The following SIK2 variants were observed in gnomAD, a reference collection of about 807,000 sequenced individuals.
The protein encoded by SIK2 is salt inducible kinase 2.
Under a neutral mutation model 103.2 loss-of-function variants are expected in SIK2, and 29 were observed. The observed-to-expected ratio is 0.28, with a 90% CI of 0.21 to 0.38. The LOEUF is 0.38. Among genes scored for constraint, SIK2 ranks in the 10% least tolerant of loss-of-function variants. The probability of loss-of-function intolerance (pLI) is 1.00; values close to 1 mark genes in which losing one functional copy is unlikely to be tolerated. For synonymous variants in SIK2, 412 were observed against 446.1 expected (o/e 0.92, Z 0.96); for missense variants, 879 against 1,171.0 (o/e 0.75, Z 3.64).
At position 111,716,325 on chromosome 11, in the gene SIK2, G is replaced by C. The variant is rs1014671120; in HGVS notation, c.1267-3450G>C. On this transcript the variant is annotated intron_variant, in intron 9 of 14. Transcript: ENST00000304987. ...TGGCCAGGTGCGGTGGCTTACACCT[G>C]TAATCCAGCACTTTGGGAGGCTGGG... is the stretch of plus-strand genomic sequence containing the variant. Among the ~76,000 whole-genome samples, 5 of 152,210 alleles carry C rather than the reference G, an allele frequency of 3.3e-5. No individual in the cohort carries two copies. The East Asian group carries it at 9.7e-4, about 30-fold the overall frequency.
chr11:111,671,348 G>T (rs1056858395), intron 3 of SIK2: 1 of 234,540 alleles, frequency 4.3e-6, no homozygotes. Flanking sequence ...AGCTCCACCA[G>T]CTTGGCATTG....
intron 3 of SIK2, among the ~76,000 whole-genome samples, chr11:111,658,081 T>G (rs1478370116): frequency 6.7e-6 from 1 of 148,234 alleles, no homozygotes; most frequent in African/African-American, 2.5e-5. Context: ...ATTTATTTTT[T>G]CATTTTTATT....
At chr11:111,603,226 C>T (rs900773241) in intron 1 of SIK2, among the ~76,000 whole-genome samples, 1 of 152,154 alleles carries the variant, frequency 6.6e-6, no homozygotes, top group African/African-American at 2.4e-5. Context: ...AGGAAGGGCC[C>T]CATGGCTGGG....
intron 3 of SIK2, among the ~76,000 whole-genome samples, chr11:111,623,317 T>C (rs950752430): frequency 6.6e-6 from 1 of 152,234 alleles, no homozygotes; most frequent in African/African-American, 2.4e-5. Context: ...TTAATGTCCA[T>C]GTCTGCTGAT....
chr11:111,716,007 G>A (rs1036565087), intron 9 of SIK2, among the ~76,000 whole-genome samples: 2 of 151,884 alleles, frequency 1.3e-5, no homozygotes, highest in African/African-American at 4.8e-5. Context: ...TTGCCATGTT[G>A]GCCAGGCTGG....
intron 13 of SIK2, 34 bp downstream of exon 13, chr11:111,721,974 T>A: frequency 6.8e-7 from 1 of 1,480,150 alleles, no homozygotes; most frequent in Non-Finnish European, 9.2e-7. Context: ...CACCTCACTC[T>A]GCTCATCCAG....
chr11:111,712,474 T>C (rs942452619), intron 9 of SIK2, 99 bp downstream of exon 9: 1 of 1,289,076 alleles, frequency 7.8e-7, no homozygotes, highest in African/African-American at 1.5e-5. Flanking sequence ...CTTTATCATT[T>C]CGTTAAGTCA....
At chr11:111,633,942 T>C (rs1347269510) in intron 3 of SIK2, among the ~76,000 whole-genome samples, 1 of 152,212 alleles carries the variant, frequency 6.6e-6, no homozygotes, top group Non-Finnish European at 1.5e-5. Context: ...TAATGAAAGT[T>C]ATTCACTATT....
At chr11:111,674,878 C>G (rs894970833) in intron 3 of SIK2, among the ~76,000 whole-genome samples, 1 of 152,114 alleles carries the variant, frequency 6.6e-6, no homozygotes, top group African/African-American at 2.4e-5. Flanking sequence ...TCCCAAGTAG[C>G]TGGGATCACA....
At chr11:111,702,619 C>T (rs139466252) in intron 6 of SIK2, among the ~76,000 whole-genome samples, 6 of 152,222 alleles carry the variant, frequency 3.9e-5, no homozygotes, top group African/African-American at 7.2e-5. Flanking sequence ...CTTAGCACAG[C>T]GCCTGCCATA....
chr11:111,670,400 A>G lies in SIK2; in HGVS notation c.317-17601A>G, dbSNP rs117254246. 6.6e-3 allele frequency among the ~76,000 whole-genome samples: 1,013 copies of G among 152,356 alleles called. 8 individuals are homozygous for G. Among genetic ancestry groups the G allele is most frequent in the Middle Eastern group, 0.061 (18 of 294 alleles). ...GAAACTCAGTGCATGTGAGTTATAA[A>G]TCCGTGGTGGTACTGATAGCTTAAT... is the stretch of plus-strand genomic sequence containing the variant. On this transcript the variant is annotated intron_variant, in intron 3 of 14. Coordinates refer to ENST00000304987, the MANE Select transcript of SIK2 (RefSeq NM_015191.3).
intron 8 of SIK2, among the ~76,000 whole-genome samples, chr11:111,706,491 C>T (rs1943350949): frequency 6.6e-6 from 1 of 152,062 alleles, no homozygotes; most frequent in South Asian, 2.1e-4. Context: ...TTGTTCAAAA[C>T]AAAAATAAGG....
At chr11:111,663,066 CTACAAAAAA>C (rs1942488420) in intron 3 of SIK2, among the ~76,000 whole-genome samples, 2 of 151,764 alleles carry the variant, frequency 1.3e-5, no homozygotes, top group East Asian at 1.9e-4. Flanking sequence ...AACCCCATCT[CTACAAAAAA>C]TACAAAAAAT....
Position 111,659,257 on chromosome 11 carries a change from G to A in SIK2, c.317-28744G>A, listed in dbSNP as rs537576802. 1.1e-3 allele frequency among the ~76,000 whole-genome samples: 170 copies of A among 152,140 alleles called. 1 individual carries two copies. Among genetic ancestry groups the A allele is most frequent in the African/African-American group, 3.9e-3 (162 of 41,514 alleles). On this transcript the variant is annotated intron_variant, in intron 3 of 14. Transcript: ENST00000304987. Reference sequence around the variant, plus strand: ...TGGAGACATTTTTTGTCTCTCATCTGTTATTGTTGGCCCCTTTTAATTTGC... The same window carrying A: ...TGGAGACATTTTTTGTCTCTCATCTATTATTGTTGGCCCCTTTTAATTTGC...
At chr11:111,704,855 A>G in intron 7 of SIK2, 132 bp from the exon 8 acceptor site, 2 of 1,042,854 alleles carry the variant, frequency 1.9e-6, no homozygotes, top group Non-Finnish European at 2.7e-6. Context: ...AGCAGCTTTC[A>G]TCTTGAGACA....
At chr11:111,721,132 A>AT in intron 12 of SIK2, 70 bp downstream of exon 12, 1 of 1,506,354 alleles carries the variant, frequency 6.6e-7, no homozygotes, top group Admixed American at 2.2e-5. Context: ...GAAGATGGTC[A>AT]TTTTCACTTA....
chr11:111,678,274 A>T (rs1565349574), intron 3 of SIK2, among the ~76,000 whole-genome samples: 2 of 152,164 alleles, frequency 1.3e-5, no homozygotes. Flanking sequence ...TGCCCCCTGA[A>T]ATTGTAATGT....
At chr11:111,707,067 G>C (rs910237472) in intron 8 of SIK2, among the ~76,000 whole-genome samples, 1 of 151,806 alleles carries the variant, frequency 6.6e-6, no homozygotes, top group African/African-American at 2.4e-5. Flanking sequence ...GGAAATCTTC[G>C]AAGTTGAATG....
intron 3 of SIK2, among the ~76,000 whole-genome samples, chr11:111,643,260 A>T (rs2135857600): frequency 6.6e-6 from 1 of 152,220 alleles, no homozygotes; most frequent in South Asian, 2.1e-4. Flanking sequence ...TGCTTTAAAA[A>T]TTTATTATAT....
Sources: allele counts gnomAD v4.1 joint callset (sites outside exome capture counted in the v4.1 genomes callset), GRCh38; gene constraint gnomAD v4.1.1; transcripts MANE v1.5; gene names NCBI Gene and HGNC (gene_info 2026-07-23, HGNC 2026-07-21).